ZFYVE1: variants seen among roughly 807,000 people sequenced by gnomAD.
ZFYVE1 encodes zinc finger FYVE domain-containing protein 1.
In ZFYVE1, 30 loss-of-function variants were observed where a neutral mutation model predicts 74.4. The observed-to-expected ratio is 0.40, with a 90% CI of 0.30 to 0.55. The LOEUF is 0.55. ZFYVE1 is among the 20% of genes least tolerant of loss of function. The pLI is 0.42. For missense variants in ZFYVE1, 703 were observed against 1,011.6 expected (o/e 0.69, Z 4.14); for synonymous variants, 335 against 385.1 (o/e 0.87, Z 1.52).
At chr14:72,978,068 T>C (rs752910098) in intron 7 of ZFYVE1, 24 bp from the exon 8 acceptor site, 6 of 1,613,938 alleles carry the variant, frequency 3.7e-6, no homozygotes, top group African/African-American at 1.3e-5. Context: ...AAATCAATAC[T>C]GTTACCCAGC....
intron 4 of ZFYVE1, among the ~76,000 whole-genome samples, chr14:72,991,908 C>A (rs1016147793): frequency 6.7e-6 from 1 of 148,638 alleles, no homozygotes; most frequent in Non-Finnish European, 1.5e-5. Context: ...GCCAAATCTC[C>A]CTCTTTTTTT....
intron 10 of ZFYVE1, among the ~76,000 whole-genome samples, chr14:72,974,554 C>G (rs1354366098): frequency 5.3e-5 from 8 of 152,326 alleles, no homozygotes; most frequent in Middle Eastern, 3.4e-3. Context: ...TTCCCTTCCC[C>G]CAGAAGCAAC....
chr14:73,026,307 C>T (rs1235454381), intron 1 of ZFYVE1, among the ~76,000 whole-genome samples: 1 of 152,124 alleles, frequency 6.6e-6, no homozygotes, highest in Non-Finnish European at 1.5e-5. Flanking sequence ...GGGCTTTTGT[C>T]ACTTTGACAA....
intron 5 of ZFYVE1, among the ~76,000 whole-genome samples, chr14:72,980,051 G>A (rs1893280736): frequency 6.6e-6 from 1 of 152,222 alleles, no homozygotes. Context: ...AGTCTCTTGT[G>A]CTGGGCTCAT....
In ZFYVE1 at chr14:72,975,517, G is replaced by A; in HGVS notation, c.1806+34C>T. On this transcript the variant is annotated intron_variant, in intron 9 of 11. Coordinates refer to ENST00000556143, the MANE Select transcript of ZFYVE1 (RefSeq NM_021260.4). The surrounding 1 kb of genome is among the most constrained non-coding windows in gnomAD (Gnocchi z 4.1). Reference sequence around the variant, plus strand: ...AGCGGCATTAAGTAGGATGGGCTGTGCCAGGAGTGGAGGGGCATCCTGGCA... The same window carrying A: ...AGCGGCATTAAGTAGGATGGGCTGTACCAGGAGTGGAGGGGCATCCTGGCA... 2.5e-6 allele frequency: 4 copies of A among 1,593,036 alleles called. No homozygotes were observed. Among genetic ancestry groups the A allele is most frequent in the Non-Finnish European group, 3.4e-6 (4 of 1,169,726 alleles).
intron 3 of ZFYVE1, among the ~76,000 whole-genome samples, chr14:72,994,319 T>A (rs1485649046): frequency 3.6e-5 from 2 of 55,190 alleles, no homozygotes; most frequent in Non-Finnish European, 3.7e-5. Flanking sequence ...CGAGACGCTG[T>A]CTCAAAAAAA....
At chr14:72,984,268 T>C (rs543981372) in intron 4 of ZFYVE1, among the ~76,000 whole-genome samples, 10 of 152,284 alleles carry the variant, frequency 6.6e-5, no homozygotes, top group African/African-American at 2.4e-4. Flanking sequence ...CGGTGGCTCA[T>C]GCCTGTAATC....
At chr14:72,983,716 C>T (rs1368744521) in intron 4 of ZFYVE1, among the ~76,000 whole-genome samples, 2 of 152,122 alleles carry the variant, frequency 1.3e-5, no homozygotes, top group African/African-American at 4.8e-5. Context: ...GGTATATACC[C>T]AGTAATGGGA....
chr14:72,978,297 G>T (rs576691051), intron 6 of ZFYVE1, 63 bp from the exon 7 acceptor site: 5 of 1,540,812 alleles, frequency 3.2e-6, no homozygotes, highest in African/African-American at 2.7e-5. Flanking sequence ...TAATAGACAC[G>T]GGGTTTTACC....
chr14:72,970,731 G>T lies in ZFYVE1; in HGVS notation c.*151C>A. On this transcript the variant is annotated 3_prime_UTR_variant, in exon 12 of 12. Transcript: ENST00000556143. ...GTCCACACCTTCGGGCCTGCCGCCA[G>T]GCTCACCCCCACTGAGGGAAAGTGG... 1.1e-6 allele frequency: 1 copy of T among 876,160 alleles called. No individual in the cohort carries two copies. The highest frequency in any genetic ancestry group is 2.7e-5 in the East Asian group (1 of 37,466). The allele number at this position is 876,160 out of a possible 1,614,324, so 54.3% of individuals were successfully genotyped here. A position where few individuals can be genotyped will look rare whatever the true frequency, so the allele number is the denominator to read the frequency against.
Position 72,990,689 on chromosome 14 carries a change from CT to C in ZFYVE1, c.1203+2453del, listed in dbSNP as rs369030778. Among the ~76,000 whole-genome samples, 477 of 66,646 alleles carry C rather than the reference CT, an allele frequency of 7.2e-3. 5 individuals are homozygous for C. The highest frequency in any genetic ancestry group is 0.023 in the African/African-American group (433 of 18,488). The allele number at this position is 66,646 out of a possible 152,430, so 43.7% of individuals were successfully genotyped here. A position where few individuals can be genotyped will look rare whatever the true frequency, so the allele number is the denominator to read the frequency against. The stretch of plus-strand genomic sequence containing the variant: ...AAGGGCGTGAGCCACCGCACCTGGC[CT>C]TTTTTTTTTTTTTTTTTTTTTTTTT... On this transcript the variant is annotated intron_variant, in intron 4 of 11. Transcript: ENST00000556143.
intron 2 of ZFYVE1, among the ~76,000 whole-genome samples, chr14:73,007,045 GAA>G (rs765950981): frequency 2.6e-5 from 4 of 152,042 alleles, no homozygotes; most frequent in Admixed American, 6.6e-5. Context: ...TCATGGTAGT[GAA>G]AAGTGTCCAG....
intron 2 of ZFYVE1, among the ~76,000 whole-genome samples, chr14:73,020,259 C>CAAA (rs33955263): frequency 0.012 from 1,254 of 105,156 alleles, 50 homozygotes; most frequent in African/African-American, 0.025. Flanking sequence ...GACTCCATCT[C>CAAA]AAAAAAAAAA....
intron 2 of ZFYVE1, among the ~76,000 whole-genome samples, chr14:73,013,548 G>A (rs890748274): frequency 3.3e-5 from 5 of 151,614 alleles, no homozygotes; most frequent in African/African-American, 4.8e-5. Context: ...GTAGTAAGCC[G>A]AGATTGCGCC....
At chr14:73,009,350 C>T (rs932601017) in intron 2 of ZFYVE1, among the ~76,000 whole-genome samples, 1 of 152,200 alleles carries the variant, frequency 6.6e-6, no homozygotes, top group African/African-American at 2.4e-5. Context: ...ACAGTGGAGG[C>T]CCAGAATAAC....
chr14:73,001,819 A>G (rs576731156), intron 2 of ZFYVE1, among the ~76,000 whole-genome samples: 34 of 151,826 alleles, frequency 2.2e-4, no homozygotes, highest in African/African-American at 7.5e-4. Context: ...GTGGTGGCAC[A>G]TGCCGGTAAT....
chr14:73,004,573 G>A (rs1393551850), intron 2 of ZFYVE1, among the ~76,000 whole-genome samples: 3 of 152,158 alleles, frequency 2.0e-5, no homozygotes, highest in Admixed American at 1.3e-4. Flanking sequence ...GGATGTCCAT[G>A]TGTTGGGCCT....
Position 72,975,128 on chromosome 14 carries a change from C to A in ZFYVE1, c.1807-169G>T. 1 of 693,278 alleles carries A rather than the reference C, an allele frequency of 1.4e-6. No individual in the cohort carries two copies. The highest frequency in any genetic ancestry group is 2.3e-6 in the Non-Finnish European group (1 of 440,720). The allele number at this position is 693,278 out of a possible 1,614,324, so 42.9% of individuals were successfully genotyped here. A position where few individuals can be genotyped will look rare whatever the true frequency, so the allele number is the denominator to read the frequency against. Reference sequence around the variant, plus strand: ...CGTTATCTGAGAATGGAAAGGAAGCCTGGTGGACAGTGAGTTTCCTTTCAC... The same window carrying A: ...CGTTATCTGAGAATGGAAAGGAAGCATGGTGGACAGTGAGTTTCCTTTCAC... On this transcript the variant is annotated intron_variant, in intron 9 of 11. Coordinates refer to ENST00000556143, the MANE Select transcript of ZFYVE1 (RefSeq NM_021260.4). The surrounding 1 kb of genome is among the most constrained non-coding windows in gnomAD (Gnocchi z 4.1).
At chr14:72,994,618 A>T (rs1410047089) in intron 3 of ZFYVE1, among the ~76,000 whole-genome samples, 1 of 152,150 alleles carries the variant, frequency 6.6e-6, no homozygotes, top group African/African-American at 2.4e-5. Flanking sequence ...TCATTGGAAA[A>T]ATCTAGATAT....
Sources: allele counts gnomAD v4.1 joint callset (sites outside exome capture counted in the v4.1 genomes callset), GRCh38; gene constraint gnomAD v4.1.1; non-coding constraint Gnocchi (gnomAD v3.1); transcripts MANE v1.5; gene names NCBI Gene and HGNC (gene_info 2026-07-23, HGNC 2026-07-21).